Variants in TMEM263 observed in about 807,000 individuals in gnomAD.
TMEM263 encodes the protein transmembrane protein 263.
A neutral mutation model predicts 8.6 loss-of-function variants in TMEM263; 5 were observed. The ratio of observed to expected loss-of-function variants is 0.58; its 90% confidence interval spans 0.31 to 1.23. The LOEUF (loss-of-function observed/expected upper bound fraction) is 1.23, where lower values mean the gene tolerates loss of function less well. TMEM263 is among the 50% of genes most tolerant of loss of function. The pLI, the probability that TMEM263 is intolerant of heterozygous loss-of-function variation, is 0.07. For synonymous variants in TMEM263, 50 were observed against 47.9 expected (o/e 1.04, Z -0.18); for missense variants, 104 against 138.8 (o/e 0.75, Z 1.26).
At position 106,971,572 on chromosome 12, in the gene TMEM263, G is replaced by A. The variant is rs533429845; in HGVS notation, c.*181G>A. 1.5e-5 allele frequency: 8 copies of A among 518,624 alleles called. No individual in the cohort carries two copies. Among genetic ancestry groups the A allele is most frequent in the African/African-American group, 3.9e-5 (2 of 51,564 alleles). 32.1% of individuals were successfully genotyped at this position (518,624 alleles called of 1,614,324 possible). A position where few individuals can be genotyped will look rare whatever the true frequency, so the allele number is the denominator to read the frequency against. ...ACCAATACGAGCACAGTATATGAAG[G>A]TTTCTCATACTTAAGTTCCAGGTTT... On this transcript the variant is annotated 3_prime_UTR_variant, in exon 4 of 4. Coordinates refer to ENST00000280756, the MANE Select transcript of TMEM263 (RefSeq NM_152261.4).
intron 2 of TMEM263, 99 bp from the exon 3 acceptor site, chr12:106,967,012 A>G (rs1951855964): frequency 2.7e-6 from 2 of 745,692 alleles, no homozygotes; most frequent in Admixed American, 5.5e-5. Context: ...AATGTTGTTT[A>G]TCTGAATAAT....
chr12:106,960,085 A>C (rs1286932173), intron 2 of TMEM263, among the ~76,000 whole-genome samples: 2 of 152,062 alleles, frequency 1.3e-5, no homozygotes, highest in Admixed American at 1.3e-4. Context: ...CCCAGGCTGG[A>C]GTGCAGTGGT....
At chr12:106,969,857 T>A (rs1951897032) in intron 3 of TMEM263, among the ~76,000 whole-genome samples, 1 of 151,748 alleles carries the variant, frequency 6.6e-6, no homozygotes, top group African/African-American at 2.4e-5. Flanking sequence ...GCTTACATGC[T>A]AATATATGTG....
At chr12:106,961,224 ATTTTTTTTTTTTTTTTTTTTTT>A in intron 2 of TMEM263, among the ~76,000 whole-genome samples, 1 of 75,130 alleles carries the variant, frequency 1.3e-5, no homozygotes, top group East Asian at 3.5e-4. Context: ...TGCCCAGTCA[ATTTTTTTTTTTTTTTTTTTTTT>A]TTTTTTTTTT....
Position 106,967,098 on chromosome 12 carries a change from GT to G in TMEM263, c.-6-3del, listed in dbSNP as rs749094798. 3,203 of 1,293,956 alleles carry G rather than the reference GT, an allele frequency of 2.5e-3. No individual in the cohort carries two copies. The highest frequency in any genetic ancestry group is 3.8e-3 in the Admixed American group (176 of 45,720). 80.2% of individuals were successfully genotyped at this position (1,293,956 alleles called of 1,614,324 possible). On this transcript the variant is annotated splice_polypyrimidine_tract_variant and intron_variant, in intron 2 of 3. Coordinates refer to ENST00000280756, the MANE Select transcript of TMEM263 (RefSeq NM_152261.4). ...AGGTTAAAATGAAATGTGTTTGTAT[GT>G]TTTTTTTTTAGGAGATCATGAATCA...
chr12:106,966,990 T>C (rs1260823616), intron 2 of TMEM263, 121 bp from the exon 3 acceptor site: 2 of 655,876 alleles, frequency 3.0e-6, no homozygotes, highest in Non-Finnish European at 5.3e-6. Context: ...ACTAGTTGTA[T>C]AGTGGGTACA....
Position 106,967,098 on chromosome 12 carries a change from G to GTTT in TMEM263, c.-6-5_-6-3dup. The stretch of plus-strand genomic sequence containing the variant: ...AGGTTAAAATGAAATGTGTTTGTAT[G>GTTT]TTTTTTTTTTAGGAGATCATGAATC... On this transcript the variant is annotated splice_polypyrimidine_tract_variant and intron_variant, in intron 2 of 3. Coordinates refer to ENST00000280756, the MANE Select transcript of TMEM263 (RefSeq NM_152261.4). 2 of 1,314,644 alleles carry GTTT rather than the reference G, an allele frequency of 1.5e-6. No individual in the cohort carries two copies. Among genetic ancestry groups the GTTT allele is most frequent in the African/African-American group, 1.5e-5 (1 of 66,064 alleles). 81.4% of individuals were successfully genotyped at this position (1,314,644 alleles called of 1,614,324 possible). A position where few individuals can be genotyped will look rare whatever the true frequency, so the allele number is the denominator to read the frequency against.
chr12:106,957,161 C>G lies in TMEM263; in HGVS notation c.-7+12C>G. On this transcript the variant is annotated intron_variant, in intron 2 of 3. Coordinates refer to ENST00000280756, the MANE Select transcript of TMEM263 (RefSeq NM_152261.4). ...TACAACACCAACAGGTAAACGCGCG[C>G]GCCCGTGTGTGTGTGTGTGTGTGTG... 1 of 977,288 alleles carries G rather than the reference C, an allele frequency of 1.0e-6. No homozygotes were observed. The highest frequency in any genetic ancestry group is 1.2e-6 in the Non-Finnish European group (1 of 827,544). The allele number at this position is 977,288 out of a possible 1,614,324, so 60.5% of individuals were successfully genotyped here.
chr12:106,957,562 C>G (rs1432339683), intron 2 of TMEM263, among the ~76,000 whole-genome samples: 1 of 151,892 alleles, frequency 6.6e-6, no homozygotes, highest in Non-Finnish European at 1.5e-5. Context: ...ATATAAACAT[C>G]TTGAGAATAA....
At chr12:106,958,737 T>G (rs1301058943) in intron 2 of TMEM263, among the ~76,000 whole-genome samples, 1 of 152,246 alleles carries the variant, frequency 6.6e-6, no homozygotes, top group Non-Finnish European at 1.5e-5. Flanking sequence ...TATCTAAAGC[T>G]ATTGTCTGTC....
At position 106,967,566 on chromosome 12, in the gene TMEM263, T is replaced by G. The variant is rs151037967; in HGVS notation, c.64+386T>G. On this transcript the variant is annotated intron_variant, in intron 3 of 3. Coordinates refer to ENST00000280756, the MANE Select transcript of TMEM263 (RefSeq NM_152261.4). ...GTGAGCCACCACTCCCAGCCCTGAT[T>G]GTTTTTATTAAAGAAATATAACCTG... Among the ~76,000 whole-genome samples, 56 of 152,316 alleles carry G rather than the reference T, an allele frequency of 3.7e-4. 1 individual carries two copies. In the East Asian group the frequency reaches 9.6e-3, roughly 26 times the overall value.
chr12:106,962,191 T>C lies in TMEM263; in HGVS notation c.-6-4920T>C, dbSNP rs570016928. Among the ~76,000 whole-genome samples the C allele has an allele frequency of 1.1e-4, 16 of 152,300 alleles. No individual in the cohort carries two copies. The East Asian group carries it at 3.1e-3, about 29-fold the overall frequency. On this transcript the variant is annotated intron_variant, in intron 2 of 3. Coordinates refer to ENST00000280756, the MANE Select transcript of TMEM263 (RefSeq NM_152261.4). ...GTATACTACTTCATGCATGTGTATG[T>C]AAAATGTAAAACTTATGTATTTCTA... is the stretch of plus-strand genomic sequence containing the variant.
intron 3 of TMEM263, among the ~76,000 whole-genome samples, chr12:106,968,659 A>G (rs1951876637): frequency 6.6e-6 from 1 of 152,232 alleles, no homozygotes; most frequent in Non-Finnish European, 1.5e-5. Context: ...TGCAAAGCAG[A>G]TAATTTATAT....
chr12:106,970,041 T>G (rs905119105), intron 3 of TMEM263, among the ~76,000 whole-genome samples: 1 of 152,188 alleles, frequency 6.6e-6, no homozygotes, highest in African/African-American at 2.4e-5. Flanking sequence ...GTTAACCATA[T>G]CTATAGTTTC....
intron 2 of TMEM263, chr12:106,959,202 T>G (rs1224465032): frequency 1.3e-5 from 2 of 152,228 alleles, no homozygotes; most frequent in South Asian, 2.1e-4. Context: ...ATTTAATAAT[T>G]TTAATGTATT....
At chr12:106,965,799 A>G (rs911744913) in intron 2 of TMEM263, among the ~76,000 whole-genome samples, 3 of 151,510 alleles carry the variant, frequency 2.0e-5, no homozygotes, top group South Asian at 4.2e-4. Flanking sequence ...TGATATATAC[A>G]TATATATATA....
chr12:106,970,715 G>A (rs1285251305), intron 3 of TMEM263, among the ~76,000 whole-genome samples: 1 of 152,188 alleles, frequency 6.6e-6, no homozygotes, highest in Non-Finnish European at 1.5e-5. Context: ...GGTAATGACT[G>A]ATTAAATCCT....
At chr12:106,957,340 G>A (rs1200671622) in intron 2 of TMEM263, among the ~76,000 whole-genome samples, 191 bp downstream of exon 2, 1 of 152,162 alleles carries the variant, frequency 6.6e-6, no homozygotes, top group African/African-American at 2.4e-5. Context: ...TAGAACAGAT[G>A]TACCAGAAAC....
chr12:106,967,558 G>A (rs1026485455), intron 3 of TMEM263, among the ~76,000 whole-genome samples: 8 of 152,168 alleles, frequency 5.3e-5, no homozygotes, highest in Non-Finnish European at 7.3e-5. Context: ...ACCACTCCCA[G>A]CCCTGATTGT....
Sources: allele counts gnomAD v4.1 joint callset (sites outside exome capture counted in the v4.1 genomes callset), GRCh38; gene constraint gnomAD v4.1.1; transcripts MANE v1.5; gene names NCBI Gene and HGNC (gene_info 2026-07-23, HGNC 2026-07-21).